Variants in SEMA3C observed in about 807,000 individuals in gnomAD.
SEMA3C encodes semaphorin-3C.
SEMA3C carries 47 observed loss-of-function variants against 89.4 expected under a neutral mutation model. That is an observed-to-expected ratio of 0.53 (90% CI 0.42 to 0.67). The LOEUF (loss-of-function observed/expected upper bound fraction) is 0.67, where lower values mean the gene tolerates loss of function less well. Ranked by LOEUF, SEMA3C falls within the 30% of genes least tolerant of loss-of-function variation. The pLI is 0.00. For synonymous variants in SEMA3C, 310 were observed against 320.2 expected, an observed-to-expected ratio of 0.97 and a Z score of 0.34; for missense variants, 839 against 929.1, an observed-to-expected ratio of 0.90 and a Z score of 1.26.
chr7:80,824,513 G>A (rs1231316239), intron 4 of SEMA3C, among the ~76,000 whole-genome samples: 3 of 152,286 alleles, frequency 2.0e-5, no homozygotes, highest in South Asian at 2.1e-4. Flanking sequence ...GGAAGAGAGA[G>A]AGGGTACAAC....
In SEMA3C at chr7:80,916,665, A is replaced by T. The variant is rs1359715316; in HGVS notation, c.103+14T>A. 6 of 1,601,516 alleles carry T rather than the reference A, an allele frequency of 3.7e-6. No individual in the cohort carries two copies. The East Asian group carries it at 1.3e-4, about 36-fold the overall frequency. On this transcript the variant is annotated intron_variant, in intron 2 of 17. Transcript: ENST00000265361. ...AAATAACATTTTTCCCAGAGTGTTTATCAACTCTCTTACCATCAAATGTTA... is the reference window on the plus strand; with the variant it reads ...AAATAACATTTTTCCCAGAGTGTTTTTCAACTCTCTTACCATCAAATGTTA...
chr7:80,909,824 T>C (rs1792101406), intron 2 of SEMA3C, among the ~76,000 whole-genome samples: 1 of 152,182 alleles, frequency 6.6e-6, no homozygotes, highest in East Asian at 1.9e-4. Context: ...TAAATTATTC[T>C]TATTTATGTA....
chr7:80,783,310 G>GA (rs753163827), intron 12 of SEMA3C, among the ~76,000 whole-genome samples: 4 of 151,726 alleles, frequency 2.6e-5, no homozygotes, highest in Non-Finnish European at 5.9e-5. Flanking sequence ...TCTTCTACAT[G>GA]ATCAAGTAGT....
chr7:80,764,401 G>A (rs1396863787), intron 13 of SEMA3C, among the ~76,000 whole-genome samples: 2 of 152,112 alleles, frequency 1.3e-5, no homozygotes, highest in African/African-American at 4.8e-5. Flanking sequence ...CTTTCCAAAT[G>A]CAGATAAAAA....
At chr7:80,761,144 T>C (rs1299160037) in intron 14 of SEMA3C, among the ~76,000 whole-genome samples, 1 of 152,170 alleles carries the variant, frequency 6.6e-6, no homozygotes, top group Non-Finnish European at 1.5e-5. Flanking sequence ...GTTTAAATCC[T>C]AGGAAATAAT....
rs80140657 is a variant in SEMA3C at position 80,763,607 on chromosome 7, T to C, written c.1443+1548A>G. ...GCATGTGATCAGACTAACTCATGTT[T>C]CTTTCCATAACATGTATGTTTAGGT... On this transcript the variant is annotated intron_variant, in intron 13 of 17. Coordinates refer to ENST00000265361, the MANE Select transcript of SEMA3C (RefSeq NM_006379.5). Among the ~76,000 whole-genome samples, 22 of 152,354 alleles carry C rather than the reference T, an allele frequency of 1.4e-4. No individual in the cohort carries two copies. In the East Asian group the frequency reaches 4.2e-3, roughly 29 times the overall value.
intron 12 of SEMA3C, among the ~76,000 whole-genome samples, chr7:80,773,403 A>G (rs1368127607): frequency 6.6e-6 from 1 of 152,196 alleles, no homozygotes; most frequent in African/African-American, 2.4e-5. Context: ...CTTTTGGTAG[A>G]AACGTAATCA....
At position 80,890,247 on chromosome 7, in the gene SEMA3C, C is replaced by T. The variant is rs573077398; in HGVS notation, c.103+26432G>A. Among the ~76,000 whole-genome samples, 3 of 152,142 alleles carry T rather than the reference C, an allele frequency of 2.0e-5. No homozygotes were observed. The South Asian group carries it at 6.2e-4, about 32-fold the overall frequency. ...AAAAGACAGCTTGTTTTTATAATCT[C>T]CTCAATGACATATACAGGCAAATAT... On this transcript the variant is annotated intron_variant, in intron 2 of 17. Coordinates refer to ENST00000265361, the MANE Select transcript of SEMA3C (RefSeq NM_006379.5).
intron 2 of SEMA3C, among the ~76,000 whole-genome samples, chr7:80,865,068 T>C (rs572824645): frequency 2.8e-4 from 42 of 152,336 alleles, no homozygotes; most frequent in African/African-American, 9.9e-4. Flanking sequence ...ATCTTAATCA[T>C]TTGTGGCATT....
chr7:80,870,166 A>G (rs1410606596), intron 2 of SEMA3C, among the ~76,000 whole-genome samples: 1 of 152,140 alleles, frequency 6.6e-6, no homozygotes, highest in Non-Finnish European at 1.5e-5. Flanking sequence ...GTCATTATGC[A>G]AACAGATTAC....
chr7:80,849,072 G>A (rs531518888), intron 2 of SEMA3C, among the ~76,000 whole-genome samples: 10 of 152,170 alleles, frequency 6.6e-5, no homozygotes, highest in African/African-American at 1.9e-4. Flanking sequence ...TCCAGCTTTT[G>A]AATGTCATAC....
chr7:80,835,763 C>G (rs1790111134), intron 2 of SEMA3C, among the ~76,000 whole-genome samples: 2 of 152,136 alleles, frequency 1.3e-5, no homozygotes, highest in African/African-American at 4.8e-5. Flanking sequence ...AGCAAGTGTT[C>G]TAGGTGCTTT....
chr7:80,922,147 A>G (rs1267463247), upstream of SEMA3C: 1 of 673,920 alleles, frequency 1.5e-6, no homozygotes, highest in Non-Finnish European at 2.2e-6. Context: ...TCAATGAGAG[A>G]ACGTTGAAGG....
chr7:80,745,505 C>T (rs532491417), intron 17 of SEMA3C, among the ~76,000 whole-genome samples, 198 bp from the exon 18 acceptor site: 1 of 150,738 alleles, frequency 6.6e-6, no homozygotes, highest in African/African-American at 2.4e-5. Context: ...GATCTTGTCA[C>T]AGTCACAGGG....
At chr7:80,903,156 T>A (rs1791923925) in intron 2 of SEMA3C, among the ~76,000 whole-genome samples, 1 of 152,170 alleles carries the variant, frequency 6.6e-6, no homozygotes, top group Admixed American at 6.5e-5. Flanking sequence ...TAGGCAATTT[T>A]GTCATTGTGC....
At chr7:80,871,269 C>T (rs1021357632) in intron 2 of SEMA3C, among the ~76,000 whole-genome samples, 5 of 152,174 alleles carry the variant, frequency 3.3e-5, no homozygotes, top group Admixed American at 1.3e-4. Flanking sequence ...TTTATTTCCT[C>T]TAACCTTCAG....
intron 2 of SEMA3C, among the ~76,000 whole-genome samples, chr7:80,837,552 T>C (rs1790162981): frequency 6.6e-6 from 1 of 152,182 alleles, no homozygotes; most frequent in African/African-American, 2.4e-5. Context: ...ATCTTAATCA[T>C]CACTGTTGGC....
intron 5 of SEMA3C, among the ~76,000 whole-genome samples, chr7:80,812,985 T>A (rs920480062): frequency 6.0e-5 from 8 of 132,412 alleles, no homozygotes; most frequent in African/African-American, 1.7e-4. Context: ...TTTTTTTTTT[T>A]AATAGAGACG....
At chr7:80,894,703 C>CA (rs1337909839) in intron 2 of SEMA3C, among the ~76,000 whole-genome samples, 1 of 152,094 alleles carries the variant, frequency 6.6e-6, no homozygotes, top group Non-Finnish European at 1.5e-5. Context: ...CAAACTCTTG[C>CA]AACTGATCCT....
Sources: allele counts gnomAD v4.1 joint callset (sites outside exome capture counted in the v4.1 genomes callset), GRCh38; gene constraint gnomAD v4.1.1; transcripts MANE v1.5; gene names NCBI Gene and HGNC (gene_info 2026-07-23, HGNC 2026-07-21).